The following VAMP7 variants were observed in gnomAD, a reference collection of about 807,000 sequenced individuals.
The protein encoded by VAMP7 is vesicle associated membrane protein 7, also known as vesicle-associated membrane protein 7.
VAMP7 carries 14 observed loss-of-function variants against 29.6 expected under a neutral mutation model. The observed-to-expected ratio is 0.47, with a 90% CI of 0.31 to 0.74. The LOEUF (loss-of-function observed/expected upper bound fraction) is 0.74. VAMP7 is among the 30% of genes least tolerant of loss of function. VAMP7 has a pLI of 0.05. For missense variants in VAMP7, 223 were observed against 262.4 expected (o/e 0.85, Z 1.04); for synonymous variants, 95 against 88.1 (o/e 1.08, Z -0.44).
chrX:155,914,713 G>C (rs1381213487), intron 5 of VAMP7, among the ~76,000 whole-genome samples: 1 of 152,092 alleles, frequency 6.6e-6, no homozygotes, highest in Non-Finnish European at 1.5e-5. Context: ...TGATGAAGCT[G>C]ACCTGATCGT....
intron 2 of VAMP7, 124 bp downstream of exon 2, chrX:155,889,736 A>C: frequency 9.5e-7 from 1 of 1,056,010 alleles, no homozygotes; most frequent in Non-Finnish European, 1.3e-6. Context: ...CAGAATAGTA[A>C]CCTTCACCAA....
chrX:155,941,508 ATAAT>A (rs1480214627), intron 7 of VAMP7, among the ~76,000 whole-genome samples: 1 of 152,134 alleles, frequency 6.6e-6, no homozygotes, highest in Non-Finnish European at 1.5e-5. Flanking sequence ...ACCTAAAAAT[ATAAT>A]TAATGAAACC....
At chrX:155,882,866 T>TG (rs2065819938) in intron 1 of VAMP7, among the ~76,000 whole-genome samples, 1 of 152,182 alleles carries the variant, frequency 6.6e-6, no homozygotes, top group Non-Finnish European at 1.5e-5. Context: ...AAATAGACAC[T>TG]TTGACCTCTC....
intron 6 of VAMP7, among the ~76,000 whole-genome samples, chrX:155,924,529 A>T: frequency 6.6e-6 from 1 of 152,262 alleles, no homozygotes; most frequent in South Asian, 2.1e-4. Flanking sequence ...TATGTCATAT[A>T]AGTGGGATCA....
rs188220769 is a variant in VAMP7, at chrX:155,933,132, G to A, written c.502-6569G>A. ...GTATTTTATTGAAGATTTTTGCGTC[G>A]GTGTTCATTAGGGATATTGGTCTAA... On this transcript the variant is annotated intron_variant, in intron 6 of 7. Coordinates refer to ENST00000286448, the MANE Select transcript of VAMP7 (RefSeq NM_005638.6). 5.9e-3 allele frequency among the ~76,000 whole-genome samples: 897 copies of A among 152,074 alleles called. 13 individuals are homozygous for A. Among genetic ancestry groups the A allele is most frequent in the African/African-American group, 0.021 (852 of 41,476 alleles).
At chrX:155,929,083 G>T (rs2066511048) in intron 6 of VAMP7, among the ~76,000 whole-genome samples, 1 of 152,092 alleles carries the variant, frequency 6.6e-6, no homozygotes, top group African/African-American at 2.4e-5. Flanking sequence ...GAATTCTAGG[G>T]TTAAGATCAT....
At chrX:155,923,567 C>T (rs2066425715) in intron 6 of VAMP7, among the ~76,000 whole-genome samples, 2 of 151,746 alleles carry the variant, frequency 1.3e-5, no homozygotes, top group African/African-American at 2.4e-5. Flanking sequence ...TTCTTACATA[C>T]ATAAAGTGTA....
At position 155,942,988 on chromosome X, in the gene VAMP7, T is replaced by C. The variant is rs1378625594; in HGVS notation, c.*1037T>C. On this transcript the variant is annotated 3_prime_UTR_variant, in exon 8 of 8. Coordinates refer to ENST00000286448, the MANE Select transcript of VAMP7 (RefSeq NM_005638.6). ...TTGTGGTTAAATAAATTCTTAAATC[T>C]GCCTAGTTTTGATGAATTCTTTTGT... 6.6e-6 allele frequency: 1 copy of C among 151,774 alleles called. No individual in the cohort carries two copies. The highest frequency in any genetic ancestry group is 2.4e-5 in the African/African-American group (1 of 41,276). The allele number at this position is 151,774 out of a possible 1,614,324, so 9.4% of individuals were successfully genotyped here.
chrX:155,913,588 T>A (rs1045836026), intron 5 of VAMP7, among the ~76,000 whole-genome samples: 15 of 152,212 alleles, frequency 9.9e-5, no homozygotes, highest in Admixed American at 9.2e-4. Context: ...GTTTTCTGAA[T>A]ATGGCTAGCC....
intron 5 of VAMP7, among the ~76,000 whole-genome samples, chrX:155,911,233 A>G (rs2066233024): frequency 6.6e-6 from 1 of 152,088 alleles, no homozygotes; most frequent in African/African-American, 2.4e-5. Flanking sequence ...TTTGTTGAAA[A>G]TCAGTTGCCT....
rs201384365 is a variant in VAMP7, at chrX:155,882,522, CT to C, written c.-10+1075del. ...TTTCGTAAACACCTCTTCTTTTCCCCTGTCTAAGCAGTGTTTATTCTTCATT... is the reference window on the plus strand; with the variant it reads ...TTTCGTAAACACCTCTTCTTTTCCCCGTCTAAGCAGTGTTTATTCTTCATT... On this transcript the variant is annotated intron_variant, in intron 1 of 7. Coordinates refer to ENST00000286448, the MANE Select transcript of VAMP7 (RefSeq NM_005638.6). Among the ~76,000 whole-genome samples, 1,010 of 152,242 alleles carry C rather than the reference CT, an allele frequency of 6.6e-3. 4 individuals are homozygous for C. The highest frequency in any genetic ancestry group is 0.014 in the Middle Eastern group (4 of 294).
chrX:155,889,598 G>T lies in VAMP7; in HGVS notation c.132G>T (p.Thr44=). ...TACCTTCTGAAAATAACAAACTAACGTACTCACATGGCAAGTGAGTTCTGT... is the reference window on the plus strand; with the variant it reads ...TACCTTCTGAAAATAACAAACTAACTTACTCACATGGCAAGTGAGTTCTGT... ...AKIPSENNKL[T]YSHGNYLFHY... Residue 44 remains threonine (T), a synonymous_variant, in exon 2 of 8, where the codon ACG becomes ACT. Coordinates refer to ENST00000286448, the MANE Select transcript of VAMP7 (RefSeq NM_005638.6). 1.2e-6 allele frequency: 2 copies of T among 1,613,828 alleles called. No homozygotes were observed. Among genetic ancestry groups the T allele is most frequent in the Non-Finnish European group, 1.7e-6 (2 of 1,179,822 alleles).
rs2066013224 is a variant in VAMP7, at chrX:155,898,225, C to T, written c.318C>T (p.Phe106=). ...TTCCATATGCCATGAATAGCGAGTT[C>T]TCAAGTGTCTTAGCTGCACAGCTGG... is the stretch of plus-strand genomic sequence containing the variant. ...TALPYAMNSE[F]SSVLAAQLKH... The change falls in exon 4 of 8, where the codon TTC becomes TTT. Residue 106 remains phenylalanine, a synonymous_variant. Coordinates refer to ENST00000286448, the MANE Select transcript of VAMP7 (RefSeq NM_005638.6). 1 of 1,613,530 alleles carries T rather than the reference C, an allele frequency of 6.2e-7. No homozygotes were observed. Among genetic ancestry groups the T allele is most frequent in the South Asian group, 1.1e-5 (1 of 91,024 alleles).
At chrX:155,929,892 C>A (rs186975625) in intron 6 of VAMP7, among the ~76,000 whole-genome samples, 1 of 152,224 alleles carries the variant, frequency 6.6e-6, no homozygotes, top group East Asian at 1.9e-4. Flanking sequence ...TTCCCCAAAC[C>A]ACCCTCAGAT....
intron 6 of VAMP7, among the ~76,000 whole-genome samples, chrX:155,923,694 G>C (rs1405993176): frequency 1.3e-5 from 2 of 151,794 alleles, no homozygotes; most frequent in Non-Finnish European, 2.9e-5. Flanking sequence ...CTTTGAGTTT[G>C]TTGTAGTTTT....
At chrX:155,911,499 G>T (rs2066236788) in intron 5 of VAMP7, among the ~76,000 whole-genome samples, 1 of 151,994 alleles carries the variant, frequency 6.6e-6, no homozygotes, top group African/African-American at 2.4e-5. Flanking sequence ...AATGACATTG[G>T]TACTTCGATA....
intron 5 of VAMP7, among the ~76,000 whole-genome samples, chrX:155,909,571 T>C (rs1216676259): frequency 1.3e-5 from 2 of 152,172 alleles, no homozygotes; most frequent in Admixed American, 1.3e-4. Flanking sequence ...GTTAAGTTGT[T>C]AGGTTGTTAA....
chrX:155,891,286 T>C (rs750390508), intron 2 of VAMP7, among the ~76,000 whole-genome samples: 1 of 152,296 alleles, frequency 6.6e-6, no homozygotes, highest in Non-Finnish European at 1.5e-5. Context: ...CAGTCTACTC[T>C]CCTGGCCACC....
intron 5 of VAMP7, among the ~76,000 whole-genome samples, chrX:155,905,166 T>C (rs2066130122): frequency 2.6e-5 from 4 of 152,070 alleles, no homozygotes; most frequent in African/African-American, 9.7e-5. Context: ...TGATGACTAA[T>C]GATGTTGAGC....
Sources: gnomAD v4.1 joint callset for allele counts (sites outside exome capture counted in the v4.1 genomes callset) on GRCh38, gnomAD v4.1.1 for gene constraint, MANE v1.5 for transcripts, NCBI Gene and HGNC (gene_info 2026-07-23, HGNC 2026-07-21) for gene names.